Variants in MGAT4C observed in about 807,000 individuals in gnomAD.
MGAT4C encodes the protein alpha-1,3-mannosyl-glycoprotein 4-beta-N-acetylglucosaminyltransferase C.
MGAT4C carries 19 observed loss-of-function variants against 40.1 expected under a neutral mutation model. The ratio of observed to expected loss-of-function variants is 0.47; its 90% CI spans 0.33 to 0.70. The LOEUF (loss-of-function observed/expected upper bound fraction) is 0.70, where lower values mean the gene tolerates loss of function less well. Ranked by LOEUF, MGAT4C falls within the 30% of genes least tolerant of loss-of-function variation. The probability of loss-of-function intolerance (pLI) is 0.02; values close to 1 mark genes in which losing one functional copy is unlikely to be tolerated. For synonymous variants in MGAT4C, 181 were observed against 187.1 expected, an observed-to-expected ratio of 0.97 and a Z score of 0.27; for missense variants, 491 against 563.2, an observed-to-expected ratio of 0.87 and a Z score of 1.30.
chr12:86,372,147 T>G (rs1009109387), intron 3 of MGAT4C, among the ~76,000 whole-genome samples: 34 of 151,964 alleles, frequency 2.2e-4, no homozygotes, highest in Non-Finnish European at 4.6e-4. Flanking sequence ...GATGTTTGCA[T>G]AGCTAACCAT....
intron 3 of MGAT4C, among the ~76,000 whole-genome samples, chr12:86,414,403 C>G (rs187093172): frequency 6.6e-5 from 10 of 152,216 alleles, no homozygotes; most frequent in Admixed American, 6.5e-4. Context: ...TATGTGTGAT[C>G]AGCAAAATGT....
rs1262641858 is a variant in MGAT4C, at chr12:86,038,018, G to A, written c.-7+11656C>T. ...GGGAAATGACAGTTTGAGAGAGAAT[G>A]TGGGTCCAGGGGGCCAATGCTACTA... On this transcript the variant is annotated intron_variant, in intron 2 of 4. Transcript: ENST00000611864. 1.3e-5 allele frequency among the ~76,000 whole-genome samples: 2 copies of A among 149,642 alleles called. 1 individual carries two copies.
At chr12:86,325,999 A>G (rs1447204411) in intron 4 of MGAT4C, among the ~76,000 whole-genome samples, 5 of 152,118 alleles carry the variant, frequency 3.3e-5, no homozygotes. Flanking sequence ...TGGGCTTTGA[A>G]GTTAAGACCA....
intron 2 of MGAT4C, among the ~76,000 whole-genome samples, chr12:86,662,572 C>G (rs1964006193): frequency 6.6e-6 from 1 of 152,020 alleles, no homozygotes; most frequent in Non-Finnish European, 1.5e-5. Flanking sequence ...AGTTCTATTC[C>G]TTACTGATTG....
At chr12:86,538,043 T>C (rs1959104270) in intron 2 of MGAT4C, among the ~76,000 whole-genome samples, 1 of 152,168 alleles carries the variant, frequency 6.6e-6, no homozygotes, top group Non-Finnish European at 1.5e-5. Flanking sequence ...GCCAAGATCA[T>C]GCCAGTGCAC....
At chr12:86,681,172 T>A (rs1463659518) in intron 2 of MGAT4C, among the ~76,000 whole-genome samples, 1 of 151,984 alleles carries the variant, frequency 6.6e-6, no homozygotes, top group Non-Finnish European at 1.5e-5. Context: ...TCCTCTAGCA[T>A]CATATATTTA....
chr12:86,569,502 G>A (rs1395278450), intron 2 of MGAT4C, among the ~76,000 whole-genome samples: 1 of 152,054 alleles, frequency 6.6e-6, no homozygotes, highest in Non-Finnish European at 1.5e-5. Flanking sequence ...TAGAATGGCT[G>A]GGGAATTGTC....
chr12:86,076,951 A>G (rs2135531553), intron 1 of MGAT4C, among the ~76,000 whole-genome samples: 1 of 152,312 alleles, frequency 6.6e-6, no homozygotes, highest in Middle Eastern at 3.4e-3. Flanking sequence ...GGAAGCATCC[A>G]GCACAGGAGA....
chr12:86,428,267 T>C (rs561001829), intron 3 of MGAT4C, among the ~76,000 whole-genome samples: 5 of 152,298 alleles, frequency 3.3e-5, no homozygotes, highest in Non-Finnish European at 7.4e-5. Flanking sequence ...ATTGCTCAAG[T>C]TCCTAATAAC....
At chr12:86,160,097 C>A (rs537154898) in intron 1 of MGAT4C, among the ~76,000 whole-genome samples, 9 of 151,794 alleles carry the variant, frequency 5.9e-5, no homozygotes, top group Non-Finnish European at 1.2e-4. Flanking sequence ...AGTTTATTTG[C>A]TCTTTTTTTC....
intron 3 of MGAT4C, among the ~76,000 whole-genome samples, chr12:86,376,818 C>CAGAGAGAGAGAGACAGAGAGAGAGAG: frequency 8.0e-6 from 1 of 125,372 alleles, no homozygotes; most frequent in Non-Finnish European, 1.7e-5. Flanking sequence ...GAGAGAGAGA[C>CAGAGAGAGAGAGACAGAGAGAGAGAG]AGAGAGAGAG....
At chr12:86,433,311 T>C (rs2136271226) in intron 3 of MGAT4C, among the ~76,000 whole-genome samples, 1 of 150,068 alleles carries the variant, frequency 6.7e-6, no homozygotes, top group East Asian at 2.0e-4. Context: ...TGTATGTGTG[T>C]GCATACATAC....
chr12:86,482,991 T>C (rs576351393), intron 2 of MGAT4C, among the ~76,000 whole-genome samples: 238 of 152,320 alleles, frequency 1.6e-3, no homozygotes, highest in South Asian at 4.8e-3. Flanking sequence ...AGGCATTAGT[T>C]TGTCTTAGTT....
At chr12:86,539,832 T>C (rs1191388550) in intron 2 of MGAT4C, among the ~76,000 whole-genome samples, 3 of 152,258 alleles carry the variant, frequency 2.0e-5, no homozygotes, top group Non-Finnish European at 4.4e-5. Flanking sequence ...TTGAGAAGTG[T>C]CTGTTCATAT....
intron 2 of MGAT4C, among the ~76,000 whole-genome samples, chr12:86,508,125 G>A (rs559888258): frequency 2.6e-5 from 4 of 152,110 alleles, no homozygotes; most frequent in South Asian, 2.1e-4. Context: ...AGTTACATAT[G>A]TATACATGTG....
At chr12:86,678,413 G>C (rs1949907853) in intron 2 of MGAT4C, among the ~76,000 whole-genome samples, 1 of 150,724 alleles carries the variant, frequency 6.6e-6, no homozygotes, top group Admixed American at 6.7e-5. Context: ...AAACCACTCT[G>C]TTTCCTCTTT....
intron 2 of MGAT4C, among the ~76,000 whole-genome samples, chr12:86,444,685 A>C (rs902620075): frequency 3.3e-5 from 5 of 152,206 alleles, no homozygotes; most frequent in Admixed American, 6.5e-5. Flanking sequence ...TTAAATTTTT[A>C]TCTTAATGTT....
At chr12:86,280,526 C>G (rs1953191655) in intron 4 of MGAT4C, among the ~76,000 whole-genome samples, 1 of 151,942 alleles carries the variant, frequency 6.6e-6, no homozygotes, top group Non-Finnish European at 1.5e-5. Flanking sequence ...GCTTCAATAA[C>G]AGATTAATGC....
intron 2 of MGAT4C, among the ~76,000 whole-genome samples, chr12:86,494,386 T>G (rs1958198728): frequency 6.6e-6 from 1 of 151,970 alleles, no homozygotes; most frequent in Non-Finnish European, 1.5e-5. Context: ...AAATAAACTT[T>G]TAGATTTTGT....
Sources: allele counts gnomAD v4.1 joint callset (sites outside exome capture counted in the v4.1 genomes callset), GRCh38; gene constraint gnomAD v4.1.1; transcripts MANE v1.5; gene names NCBI Gene and HGNC (gene_info 2026-07-23, HGNC 2026-07-21).